PCNX2: variants seen among roughly 807,000 people sequenced by gnomAD.
PCNX2 encodes pecanex-like protein 2.
PCNX2 carries 168 observed loss-of-function variants against 223.8 expected under a neutral mutation model. The observed-to-expected ratio is 0.75, with a 90% CI of 0.66 to 0.85. The LOEUF (loss-of-function observed/expected upper bound fraction) is 0.85. PCNX2 is among the 40% of genes least tolerant of loss of function. The pLI is 0.00. For missense variants in PCNX2, 2,507 were observed against 2,675.5 expected (o/e 0.94, Z 1.39); for synonymous variants, 1,006 against 1,052.6 (o/e 0.96, Z 0.86).
intron 1 of PCNX2, among the ~76,000 whole-genome samples, chr1:233,266,028 A>C (rs942498436): frequency 2.6e-5 from 4 of 152,220 alleles, no homozygotes; most frequent in African/African-American, 9.6e-5. Context: ...AAGTGAGAAC[A>C]GGCCCTTGCC....
the PCNX2 span, among the ~76,000 whole-genome samples, chr1:233,308,262 G>C: frequency 3.3e-5 from 5 of 152,112 alleles, no homozygotes; most frequent in African/African-American, 1.2e-4. Context: ...TTTGAAACCA[G>C]CCTGGCCAAC....
intron 15 of PCNX2, among the ~76,000 whole-genome samples, chr1:233,191,231 A>C (rs1200537562): frequency 1.3e-5 from 2 of 152,188 alleles, no homozygotes; most frequent in African/African-American, 2.4e-5. Flanking sequence ...GGAGAAAGGA[A>C]TGTCTTTTCC....
chr1:233,112,236 A>C (rs971779830), intron 21 of PCNX2, among the ~76,000 whole-genome samples: 2 of 152,192 alleles, frequency 1.3e-5, no homozygotes, highest in Non-Finnish European at 2.9e-5. Context: ...GCAGGTTCCA[A>C]ATGTACATCC....
intron 25 of PCNX2, among the ~76,000 whole-genome samples, chr1:233,034,093 T>C (rs1671362787): frequency 6.6e-6 from 1 of 152,074 alleles, no homozygotes; most frequent in Non-Finnish European, 1.5e-5. Flanking sequence ...GCACCTGTAG[T>C]ATCAGCTTCT....
intron 1 of PCNX2, among the ~76,000 whole-genome samples, chr1:233,265,580 G>A (rs1049475007): frequency 2.0e-5 from 3 of 152,204 alleles, no homozygotes; most frequent in African/African-American, 4.8e-5. Context: ...AGGTACCTGA[G>A]TAACTCTGCG....
intron 31 of PCNX2, 97 bp from the exon 32 acceptor site, chr1:232,998,535 C>A: frequency 7.2e-7 from 1 of 1,395,848 alleles, no homozygotes. Context: ...GATCGAAGAG[C>A]GTGCTCTCCA....
intron 13 of PCNX2, among the ~76,000 whole-genome samples, chr1:233,207,849 G>C (rs1318257980): frequency 6.6e-6 from 1 of 152,114 alleles, no homozygotes; most frequent in Non-Finnish European, 1.5e-5. Flanking sequence ...GGTGATCTGA[G>C]TATTCAGGAC....
intron 23 of PCNX2, among the ~76,000 whole-genome samples, chr1:233,060,298 C>G (rs142365153): frequency 1.3e-5 from 2 of 152,260 alleles, no homozygotes; most frequent in East Asian, 3.9e-4. Context: ...TTAAGACCTA[C>G]CACAAATGGA....
upstream of PCNX2, among the ~76,000 whole-genome samples, chr1:233,299,021 C>T (rs936048076): frequency 5.9e-5 from 9 of 152,158 alleles, no homozygotes; most frequent in African/African-American, 2.2e-4. Context: ...TAACTTTTTC[C>T]TGAATTTCGA....
At position 233,000,457 on chromosome 1, in the gene PCNX2, C is replaced by T; in HGVS notation, c.5176G>A (p.Val1726Ile). ...EAIQSFEKKV[V>I]ICHEGDPAWR... ...GCCGGGTCGCCCTCGTGGCAGATGA[C>T]CACCTTCTTCTCGAAGGACTGGATG... is the stretch of plus-strand genomic sequence containing the variant. The change falls in exon 30 of 34, where the codon GTC becomes ATC. Residue 1726 changes from valine (V) to isoleucine (I), a missense_variant. By Grantham distance (29) the Val-to-Ile change is conservative. Around this residue, in one of 3 missense-constraint regions of PCNX2, gnomAD observed 1,372 missense variants for 1,509.4 expected, o/e 0.91. Coordinates refer to ENST00000258229, the MANE Select transcript of PCNX2 (RefSeq NM_014801.4). The surrounding 1 kb of genome is among the most constrained non-coding windows in gnomAD (Gnocchi z 4.6). 6.3e-7 allele frequency: 1 copy of T among 1,597,038 alleles called. No homozygotes were observed. The highest frequency in any genetic ancestry group is 8.5e-7 in the Non-Finnish European group (1 of 1,170,690).
chr1:233,291,830 T>C lies in PCNX2; in HGVS notation c.153+3496A>G, dbSNP rs191643802. ...TCTCAAGACTAACCATCTTTCAGTTTGTCCAAAAGAAAAGGAGGTTGGGAA... is the reference window on the plus strand; with the variant it reads ...TCTCAAGACTAACCATCTTTCAGTTCGTCCAAAAGAAAAGGAGGTTGGGAA... On this transcript the variant is annotated intron_variant, in intron 1 of 33. Coordinates refer to ENST00000258229, the MANE Select transcript of PCNX2 (RefSeq NM_014801.4). The C allele has an allele frequency of 6.1e-6, 6 of 978,792 alleles. No individual in the cohort carries two copies. The Admixed American group carries it at 3.9e-4, about 64-fold the overall frequency. The allele number at this position is 978,792 out of a possible 1,614,324, so 60.6% of individuals were successfully genotyped here. A position where few individuals can be genotyped will look rare whatever the true frequency, so the allele number is the denominator to read the frequency against.
chr1:233,291,129 G>C lies in PCNX2; in HGVS notation c.153+4197C>G, dbSNP rs911215238. ...ATGTCCTGGAAGGGCCAAAGACTCG[G>C]ATGCTACAGGACCTCAGCTAAATGC... On this transcript the variant is annotated intron_variant, in intron 1 of 33. Transcript: ENST00000258229. 5.1e-6 allele frequency: 5 copies of C among 975,900 alleles called. No homozygotes were observed. The African/African-American group carries it at 8.8e-5, about 17-fold the overall frequency. 60.5% of individuals were successfully genotyped at this position (975,900 alleles called of 1,614,324 possible).
chr1:233,005,493 A>C (rs1467840060), intron 28 of PCNX2, among the ~76,000 whole-genome samples: 1 of 152,160 alleles, frequency 6.6e-6, no homozygotes, highest in Non-Finnish European at 1.5e-5. Flanking sequence ...TGTCATTTCT[A>C]TTTTCAGAGA....
In PCNX2 at chr1:233,011,471, A is replaced by G. The variant is rs1385499732; in HGVS notation, c.4952+3194T>C. Among the ~76,000 whole-genome samples, 4 of 152,354 alleles carry G rather than the reference A, an allele frequency of 2.6e-5. No homozygotes were observed. The East Asian group carries it at 5.8e-4, about 22-fold the overall frequency. On this transcript the variant is annotated intron_variant, in intron 28 of 33. Transcript: ENST00000258229. ...TAATTTTAATTTTAAGTTCCGTGGT[A>G]CATGTGCAGGACGTGCACATGTTCT... is the stretch of plus-strand genomic sequence containing the variant.
At chr1:233,159,659 T>G (rs1384034533) in intron 19 of PCNX2, among the ~76,000 whole-genome samples, 2 of 152,120 alleles carry the variant, frequency 1.3e-5, no homozygotes, top group Non-Finnish European at 2.9e-5. Flanking sequence ...AGCAGAAAAA[T>G]TTCTAGAAGA....
At chr1:233,143,092 T>C (rs1354349174) in intron 19 of PCNX2, among the ~76,000 whole-genome samples, 1 of 152,214 alleles carries the variant, frequency 6.6e-6, no homozygotes, top group Non-Finnish European at 1.5e-5. Flanking sequence ...AAATAATCAA[T>C]TGAATAGCTT....
rs1422876319 is a variant in PCNX2 at position 233,177,844 on chromosome 1, C to T, written c.3231G>A (p.Glu1077=). Residue 1077 remains glutamate, a synonymous_variant, in exon 17 of 34, where the codon GAG becomes GAA. Transcript: ENST00000258229. ...FPKFLHQNLA[E]SAADPLPKKM... is the part of the protein sequence containing the mutation. ...TCTTGGGGAGAGGGTCAGCAGCTGACTCTGCCAGATTTTGATGTAAAAATT... is the reference window on the plus strand; with the variant it reads ...TCTTGGGGAGAGGGTCAGCAGCTGATTCTGCCAGATTTTGATGTAAAAATT... The T allele has an allele frequency of 6.2e-6, 10 of 1,613,818 alleles. No homozygotes were observed. The African/African-American group carries it at 1.3e-4, about 22-fold the overall frequency.
chr1:233,113,762 T>A (rs568657956), intron 21 of PCNX2, among the ~76,000 whole-genome samples: 1 of 152,322 alleles, frequency 6.6e-6, no homozygotes, highest in East Asian at 1.9e-4. Flanking sequence ...AGAGTGCAAA[T>A]GTATCCCTGA....
intron 1 of PCNX2, chr1:233,291,869 A>G (rs1661786020): frequency 1.0e-6 from 1 of 985,134 alleles, no homozygotes; most frequent in Non-Finnish European, 1.2e-6. Context: ...TGTATTTGAC[A>G]TGAGGCTAGT....
Sources: gnomAD v4.1 joint callset for allele counts (sites outside exome capture counted in the v4.1 genomes callset) on GRCh38, gnomAD v4.1.1 for gene constraint, gnomAD v4.1.1 regional missense constraint, Gnocchi (gnomAD v3.1) non-coding constraint, MANE v1.5 for transcripts, NCBI Gene and HGNC (gene_info 2026-07-23, HGNC 2026-07-21) for gene names.